CLSTN1: variants seen among roughly 807,000 people sequenced by gnomAD.
The protein encoded by CLSTN1 is calsyntenin-1.
In CLSTN1, 28 loss-of-function variants were observed where a neutral mutation model predicts 108.3. The observed-to-expected ratio is 0.26, with a 90% confidence interval of 0.19 to 0.35. The LOEUF is 0.35. Among genes scored for constraint, CLSTN1 ranks in the 10% least tolerant of loss-of-function variants. The probability of loss-of-function intolerance (pLI) is 1.00; values close to 1 mark genes in which losing one functional copy is unlikely to be tolerated. For synonymous variants in CLSTN1, 524 were observed against 534.9 expected, an observed-to-expected ratio of 0.98 and a Z score of 0.28; for missense variants, 1,157 against 1,302.6, an observed-to-expected ratio of 0.89 and a Z score of 1.72.
In CLSTN1 at chr1:9,743,926, C is replaced by T. The variant is rs751838405; in HGVS notation, c.1314G>A (p.Glu438=). 9.3e-6 allele frequency: 15 copies of T among 1,614,186 alleles called. No individual in the cohort carries two copies. The South Asian group carries it at 1.4e-4, about 15-fold the overall frequency. The part of the protein sequence containing the change: ...IFLFRQDPSE[E]KKYRPAEFHW... ...GGAACTCTGCAGGTCTGTATTTCTT[C>T]TCCTCAGAAGGATCCTGACGGAAGA... The change falls in exon 9 of 19, where the codon GAG becomes GAA. Residue 438 remains glutamate, a synonymous_variant. Coordinates refer to ENST00000377298, the MANE Select transcript of CLSTN1 (RefSeq NM_001009566.3).
intron 1 of CLSTN1, among the ~76,000 whole-genome samples, chr1:9,786,831 G>A (rs1314683920): frequency 6.6e-6 from 1 of 151,260 alleles, no homozygotes; most frequent in Non-Finnish European, 1.5e-5. Flanking sequence ...GGCTCCTCGT[G>A]TTGGGGAGCG....
intron 1 of CLSTN1, among the ~76,000 whole-genome samples, chr1:9,796,448 G>A (rs534985877): frequency 2.0e-5 from 3 of 150,630 alleles, no homozygotes; most frequent in Admixed American, 1.4e-4. Context: ...AGGCCGAAGC[G>A]GGTGGATCAC....
intron 7 of CLSTN1, among the ~76,000 whole-genome samples, chr1:9,748,166 A>G (rs1272400229): frequency 2.0e-5 from 3 of 152,338 alleles, no homozygotes; most frequent in Admixed American, 1.3e-4. Context: ...TTGAAACACA[A>G]AAGACCCTTC....
chr1:9,733,033 A>T (rs1650492270), intron 16 of CLSTN1, among the ~76,000 whole-genome samples: 1 of 152,224 alleles, frequency 6.6e-6, no homozygotes. Context: ...TCTAAAAATA[A>T]ATAAATAAAT....
intron 1 of CLSTN1, among the ~76,000 whole-genome samples, chr1:9,803,119 A>G (rs985564151): frequency 6.6e-6 from 1 of 152,084 alleles, no homozygotes; most frequent in African/African-American, 2.4e-5. Context: ...CACCACGCCC[A>G]GCTAAAAGTA....
At chr1:9,800,352 A>AAG (rs1654204535) in intron 1 of CLSTN1, among the ~76,000 whole-genome samples, 1 of 152,014 alleles carries the variant, frequency 6.6e-6, no homozygotes, top group South Asian at 2.1e-4. Context: ...ATGAAAAAAA[A>AAG]AGAGAGAAGA....
chr1:9,784,432 CAA>C (rs1254037452), intron 1 of CLSTN1, among the ~76,000 whole-genome samples: 1 of 152,070 alleles, frequency 6.6e-6, no homozygotes, highest in Non-Finnish European at 1.5e-5. Flanking sequence ...TGTTTCAGCC[CAA>C]GAGTTACAGG....
At chr1:9,778,594 A>ATT (rs1156758653) in intron 1 of CLSTN1, among the ~76,000 whole-genome samples, 4 of 152,174 alleles carry the variant, frequency 2.6e-5, no homozygotes, top group Non-Finnish European at 4.4e-5. Flanking sequence ...AAGTTATGGA[A>ATT]GGTTAGATTA....
rs1027955735 is a variant in CLSTN1 at position 9,823,837 on chromosome 1, G to A, written c.-104C>T. 4.4e-6 allele frequency: 2 copies of A among 450,520 alleles called. No homozygotes were observed. The highest frequency in any genetic ancestry group is 2.1e-5 in the African/African-American group (1 of 46,780). 27.9% of individuals were successfully genotyped at this position (450,520 alleles called of 1,614,324 possible). ...CCTGGGGCTAGCTGCTCCGCGGCGC[G>A]GGGAGCTCCGGGGGTCCAAGGAGGA... On this transcript the variant is annotated 5_prime_UTR_variant, in exon 1 of 19. Coordinates refer to ENST00000377298, the MANE Select transcript of CLSTN1 (RefSeq NM_001009566.3). The surrounding 1 kb of genome is among the most constrained non-coding windows in gnomAD (Gnocchi z 6.3).
chr1:9,750,270 C>T (rs1300608777), intron 5 of CLSTN1: 1 of 191,436 alleles, frequency 5.2e-6, no homozygotes, highest in Non-Finnish European at 1.1e-5. Flanking sequence ...GCTGATCAAA[C>T]ATTTACTATA....
intron 4 of CLSTN1, among the ~76,000 whole-genome samples, chr1:9,751,940 C>A (rs1651578219): frequency 6.6e-6 from 1 of 151,782 alleles, no homozygotes. Context: ...AAGCAAAAAA[C>A]CAATCATCTA....
At chr1:9,737,022 A>G (rs1158774978) in intron 11 of CLSTN1, among the ~76,000 whole-genome samples, 1 of 152,082 alleles carries the variant, frequency 6.6e-6, no homozygotes, top group Admixed American at 6.6e-5. Flanking sequence ...GCAGTGAGCC[A>G]AGACCGCGCC....
chr1:9,794,741 C>G (rs1653916154), intron 1 of CLSTN1, among the ~76,000 whole-genome samples: 1 of 151,470 alleles, frequency 6.6e-6, no homozygotes, highest in African/African-American at 2.4e-5. Context: ...TTTCTTTCTT[C>G]TTTATCATGA....
intron 1 of CLSTN1, among the ~76,000 whole-genome samples, chr1:9,803,898 C>T (rs562749276): frequency 1.3e-5 from 2 of 152,214 alleles, no homozygotes; most frequent in East Asian, 1.9e-4. Flanking sequence ...TGAGGAAAAA[C>T]GAAAGTGGTA....
At position 9,735,479 on chromosome 1, in the gene CLSTN1, G is replaced by C. The variant is rs1422930899; in HGVS notation, c.1871C>G (p.Thr624Ser). The C allele has an allele frequency of 3.7e-6, 6 of 1,614,048 alleles. No individual in the cohort carries two copies. Among genetic ancestry groups the C allele is most frequent in the Non-Finnish European group, 5.1e-6 (6 of 1,180,040 alleles). ...AATCAGGACGTACTTGATTGTGCTG[G>C]TGATTTTGAGTCTGCGAATTCCGGG... ...PTPGIRRLKI[T>S]STIKCFNEAT... The change falls in exon 13 of 19, where the codon ACC becomes AGC. Residue 624 changes from threonine (T) to serine (S), a missense_variant. Coordinates refer to ENST00000377298, the MANE Select transcript of CLSTN1 (RefSeq NM_001009566.3).
chr1:9,820,147 T>C (rs577039532), intron 1 of CLSTN1, among the ~76,000 whole-genome samples: 3 of 152,186 alleles, frequency 2.0e-5, no homozygotes, highest in South Asian at 2.1e-4. Flanking sequence ...GTGCTGGAAT[T>C]ACAGGGGTGA....
At chr1:9,739,814 A>ATTTT (rs35078301) in intron 10 of CLSTN1, among the ~76,000 whole-genome samples, 1 of 122,836 alleles carries the variant, frequency 8.1e-6, no homozygotes, top group African/African-American at 3.2e-5. Flanking sequence ...GCAATAGGGC[A>ATTTT]TTTTTTTTTT....
chr1:9,749,547 T>C lies in CLSTN1; in HGVS notation c.899A>G (p.Gln300Arg), dbSNP rs950943165. 1 of 1,614,220 alleles carries C rather than the reference T, an allele frequency of 6.2e-7. No homozygotes were observed. Among genetic ancestry groups the C allele is most frequent in the Non-Finnish European group, 8.5e-7 (1 of 1,180,040 alleles). ...ETCDEPVASV[Q>R]ATVELETSHI... ...GCTGGTTTCTAGCTCCACTGTGGCC[T>C]GTACTGAGGCGACTGGCTCGTCACA... The change falls in exon 7 of 19, where the codon CAG becomes CGG. Residue 300 changes from glutamine (Q) to arginine (R), a missense_variant. Transcript: ENST00000377298.
Position 9,744,627 on chromosome 1 carries a change from A to C in CLSTN1, c.1002T>G (p.Thr334=), listed in dbSNP as rs1260472041. The change falls in exon 8 of 19, where the codon ACT becomes ACG. Residue 334 remains threonine, a synonymous_variant. Coordinates refer to ENST00000377298, the MANE Select transcript of CLSTN1 (RefSeq NM_001009566.3). ...LHRLCGAAAG[T]AELLPSPSGS... ...CACTCGGGGATGGCAGCAGCTCGGC[A>C]GTGCCCGCGGCCGCACCTGAAGCCA... 6.2e-7 allele frequency: 1 copy of C among 1,611,124 alleles called. No individual in the cohort carries two copies. Among genetic ancestry groups the C allele is most frequent in the Non-Finnish European group, 8.5e-7 (1 of 1,179,742 alleles).
Sources: allele counts gnomAD v4.1 joint callset (sites outside exome capture counted in the v4.1 genomes callset), GRCh38; gene constraint gnomAD v4.1.1; non-coding constraint Gnocchi (gnomAD v3.1); transcripts MANE v1.5; gene names NCBI Gene and HGNC (gene_info 2026-07-23, HGNC 2026-07-21).